The following NALCN variants were observed in gnomAD, a reference collection of about 807,000 sequenced individuals.
NALCN encodes the protein sodium leak channel NALCN.
Under a neutral mutation model 225.3 loss-of-function variants are expected in NALCN, and 111 were observed. The observed-to-expected ratio is 0.49, with a 90% CI of 0.42 to 0.58. NALCN has a LOEUF of 0.58. NALCN is among the 20% of genes least tolerant of loss of function. The probability of loss-of-function intolerance (pLI) is 0.00; values close to 1 mark genes in which losing one functional copy is unlikely to be tolerated. For missense variants in NALCN, 1,378 were observed against 2,202.4 expected, an observed-to-expected ratio of 0.63 and a Z score of 7.49; for synonymous variants, 764 against 769.0, an observed-to-expected ratio of 0.99 and a Z score of 0.11.
chr13:101,092,656 T>C (rs1020321945), intron 28 of NALCN, among the ~76,000 whole-genome samples: 7 of 152,136 alleles, frequency 4.6e-5, no homozygotes, highest in African/African-American at 9.7e-5. Context: ...CATTGTACCC[T>C]TAGCCTTTCT....
intron 17 of NALCN, among the ~76,000 whole-genome samples, chr13:101,126,607 C>T (rs1449627640): frequency 6.6e-6 from 1 of 151,962 alleles, no homozygotes; most frequent in Non-Finnish European, 1.5e-5. Context: ...ATTCTCCTGC[C>T]TCAGCCACCC....
At chr13:101,334,143 T>A (rs1371000581) in intron 7 of NALCN, among the ~76,000 whole-genome samples, 1 of 151,304 alleles carries the variant, frequency 6.6e-6, no homozygotes, top group Non-Finnish European at 1.5e-5. Flanking sequence ...AATGAACGAA[T>A]CCAGAACATA....
chr13:101,062,464 G>A (rs1040250214), intron 40 of NALCN, among the ~76,000 whole-genome samples: 6 of 152,126 alleles, frequency 3.9e-5, no homozygotes, highest in African/African-American at 7.2e-5. Flanking sequence ...AAGGAAGACC[G>A]CACCTCCCAT....
At chr13:101,209,167 C>G (rs913821771) in intron 13 of NALCN, among the ~76,000 whole-genome samples, 6 of 151,946 alleles carry the variant, frequency 3.9e-5, no homozygotes, top group Non-Finnish European at 8.8e-5. Context: ...GTGTGCACCT[C>G]TCTCTCTCTG....
chr13:101,200,428 G>C (rs1370250014), intron 13 of NALCN, among the ~76,000 whole-genome samples: 1 of 152,070 alleles, frequency 6.6e-6, no homozygotes, highest in African/African-American at 2.4e-5. Context: ...TTCCAAAACA[G>C]ATAACATTTT....
At chr13:101,396,082 T>A (rs1434138520) in intron 2 of NALCN, among the ~76,000 whole-genome samples, 1 of 152,170 alleles carries the variant, frequency 6.6e-6, no homozygotes, top group Non-Finnish European at 1.5e-5. Flanking sequence ...CCCAGACATC[T>A]TTCAAAATTC....
intron 7 of NALCN, among the ~76,000 whole-genome samples, chr13:101,325,989 T>C (rs989882373): frequency 6.6e-6 from 1 of 152,228 alleles, no homozygotes; most frequent in Non-Finnish European, 1.5e-5. Context: ...TATCTTTAGT[T>C]ATTACCATAA....
At chr13:101,158,707 G>C (rs1000048920) in intron 15 of NALCN, among the ~76,000 whole-genome samples, 1 of 152,094 alleles carries the variant, frequency 6.6e-6, no homozygotes, top group Non-Finnish European at 1.5e-5. Context: ...TAGAGCTACG[G>C]GTTTCCAAGC....
intron 1 of NALCN, among the ~76,000 whole-genome samples, chr13:101,405,347 G>C (rs1285705027): frequency 6.6e-6 from 1 of 152,080 alleles, no homozygotes; most frequent in African/African-American, 2.4e-5. Flanking sequence ...GTTTCAACTA[G>C]GAAAAAATAC....
At chr13:101,338,486 T>G (rs993741522) in intron 7 of NALCN, among the ~76,000 whole-genome samples, 1 of 152,224 alleles carries the variant, frequency 6.6e-6, no homozygotes, top group Admixed American at 6.5e-5. Context: ...ACTGAACATT[T>G]TTTATTTTTT....
At chr13:101,359,244 A>T (rs1347952203) in intron 6 of NALCN, among the ~76,000 whole-genome samples, 1 of 151,754 alleles carries the variant, frequency 6.6e-6, no homozygotes, top group Non-Finnish European at 1.5e-5. Flanking sequence ...CAGGAAAAAA[A>T]GTAGAAAATA....
chr13:101,197,346 T>G (rs2039934603), intron 13 of NALCN, among the ~76,000 whole-genome samples: 1 of 151,360 alleles, frequency 6.6e-6, no homozygotes, highest in Admixed American at 6.6e-5. Flanking sequence ...CTTCTTTTCT[T>G]TCCTCCTAGC....
At chr13:101,244,422 G>C (rs2041834250) in intron 11 of NALCN, among the ~76,000 whole-genome samples, 1 of 152,118 alleles carries the variant, frequency 6.6e-6, no homozygotes, top group Admixed American at 6.5e-5. Context: ...TCTTTTGAAA[G>C]ACACTAAAAG....
At chr13:101,377,360 C>G (rs900323869) in intron 4 of NALCN, among the ~76,000 whole-genome samples, 1 of 152,084 alleles carries the variant, frequency 6.6e-6, no homozygotes, top group Non-Finnish European at 1.5e-5. Context: ...TGCTGTCTTT[C>G]TTGTTAATAA....
chr13:101,249,066 C>T (rs1207312045), intron 11 of NALCN, among the ~76,000 whole-genome samples: 1 of 151,874 alleles, frequency 6.6e-6, no homozygotes, highest in Non-Finnish European at 1.5e-5. Context: ...GTCTAAAATC[C>T]AGGTAGTTAG....
Position 101,053,811 on chromosome 13 carries a change from T to G in NALCN, c.*1484A>C, listed in dbSNP as rs1395499006. 4.6e-5 allele frequency: 7 copies of G among 152,186 alleles called. No homozygotes were observed. Among genetic ancestry groups the G allele is most frequent in the Non-Finnish European group, 1.0e-4 (7 of 68,038 alleles). 9.4% of individuals were successfully genotyped at this position (152,186 alleles called of 1,614,324 possible). ...AATCCAATATTTATTTTATCTTGTA[T>G]GTACAAAAAGTAAACTCCAAGTGAA... On this transcript the variant is annotated 3_prime_UTR_variant, in exon 44 of 44. Coordinates refer to ENST00000251127, the MANE Select transcript of NALCN (RefSeq NM_052867.4).
chr13:101,163,297 T>A (rs937279208), intron 15 of NALCN, among the ~76,000 whole-genome samples: 1 of 152,168 alleles, frequency 6.6e-6, no homozygotes, highest in Non-Finnish European at 1.5e-5. Context: ...TAAAGAATGA[T>A]ACAACCGACA....
At chr13:101,101,977 T>A (rs2034846122) in intron 26 of NALCN, among the ~76,000 whole-genome samples, 1 of 152,186 alleles carries the variant, frequency 6.6e-6, no homozygotes, top group African/African-American at 2.4e-5. Context: ...AGTCACTGTT[T>A]TATGGCTTTG....
chr13:101,355,807 C>G (rs933094794), intron 6 of NALCN, among the ~76,000 whole-genome samples: 1 of 152,184 alleles, frequency 6.6e-6, no homozygotes, highest in Non-Finnish European at 1.5e-5. Flanking sequence ...AAGTAAAACA[C>G]TGCTCAGCAA....
Sources: allele counts gnomAD v4.1 joint callset (sites outside exome capture counted in the v4.1 genomes callset), GRCh38; gene constraint gnomAD v4.1.1; transcripts MANE v1.5; gene names NCBI Gene and HGNC (gene_info 2026-07-23, HGNC 2026-07-21).